Variants in USP7 observed in about 807,000 individuals in gnomAD.
USP7 encodes the protein ubiquitin specific peptidase 7, also known as ubiquitin C-terminal hydrolase 7.
Under a neutral mutation model 162.9 loss-of-function variants are expected in USP7, and 9 were observed. That is an observed-to-expected ratio of 0.06 (90% CI 0.03 to 0.10). USP7 has a LOEUF of 0.10. Among genes scored for constraint, USP7 ranks in the 10% least tolerant of loss-of-function variants. The pLI is 1.00. For synonymous variants in USP7, 562 were observed against 475.9 expected, an observed-to-expected ratio of 1.18 and a Z score of -2.35; for missense variants, 715 against 1,373.7, an observed-to-expected ratio of 0.52 and a Z score of 7.58.
At chr16:8,917,709 A>G (rs1897451046) in intron 6 of USP7, among the ~76,000 whole-genome samples, 1 of 151,862 alleles carries the variant, frequency 6.6e-6, no homozygotes, top group Non-Finnish European at 1.5e-5. Context: ...AAAAGATAAT[A>G]CAGAAAAAGT....
chr16:8,905,471 G>T, intron 13 of USP7, 140 bp from the exon 14 acceptor site: 1 of 1,044,228 alleles, frequency 9.6e-7, no homozygotes, highest in Non-Finnish European at 1.4e-6. Flanking sequence ...TTCTTATACA[G>T]GCACACAATC....
At chr16:8,921,820 T>C (rs564687269) in intron 3 of USP7, among the ~76,000 whole-genome samples, 1 of 152,076 alleles carries the variant, frequency 6.6e-6, no homozygotes, top group Admixed American at 6.5e-5. Context: ...AAGTGTGGGG[T>C]GGACCACAAA....
In USP7 at chr16:8,923,430, T is replaced by C. The variant is rs781227260; in HGVS notation, c.185-17A>G. The C allele has an allele frequency of 2.5e-5, 41 of 1,613,424 alleles. No homozygotes were observed. In the South Asian group the frequency reaches 3.8e-4, roughly 15 times the overall value. ...AACTGGTGTCTGCAAAAAAAACACATCATCAGTCACAGAGCCTGTGCATTG... is the reference window on the plus strand; with the variant it reads ...AACTGGTGTCTGCAAAAAAAACACACCATCAGTCACAGAGCCTGTGCATTG... On this transcript the variant is annotated splice_polypyrimidine_tract_variant and intron_variant, in intron 2 of 30. Coordinates refer to ENST00000344836, the MANE Select transcript of USP7 (RefSeq NM_003470.3).
chr16:8,915,416 A>C, intron 9 of USP7, 29 bp downstream of exon 9: 2 of 1,613,500 alleles, frequency 1.2e-6, no homozygotes, highest in Non-Finnish European at 1.7e-6. Flanking sequence ...ACCTTTAAAA[A>C]TCATCTTTTA....
chr16:8,898,553 G>T lies in USP7; in HGVS notation c.2618C>A (p.Pro873His). The change falls in exon 24 of 31, where the codon CCT (proline) becomes CAT (histidine). Residue 873 changes from proline (P) to histidine (H), a missense_variant. This residue lies in a region of USP7 where 222 missense variants were observed against 441.7 expected (regional missense o/e 0.50). Coordinates refer to ENST00000344836, the MANE Select transcript of USP7 (RefSeq NM_003470.3). ...DLLQFFKPRQ[P>H]KKLYYQQLKM... ...TACCTGCTGATAGTAAAGTTTCTTA[G>T]GTTGTCTAGGCTTGAAGAACTGTAG... The T allele has an allele frequency of 6.2e-7, 1 of 1,611,350 alleles. No individual in the cohort carries two copies. The highest frequency in any genetic ancestry group is 2.2e-5 in the East Asian group (1 of 44,862).
intron 1 of USP7, among the ~76,000 whole-genome samples, chr16:8,952,365 A>T (rs1899593225): frequency 6.6e-6 from 1 of 152,190 alleles, no homozygotes; most frequent in Admixed American, 6.5e-5. Context: ...GCTCTGGGTG[A>T]CCCAGGTAAG....
intron 10 of USP7, among the ~76,000 whole-genome samples, chr16:8,911,117 TATG>T (rs2061940152): frequency 2.0e-5 from 3 of 152,220 alleles, no homozygotes; most frequent in Admixed American, 2.0e-4. Flanking sequence ...AAGCTATGAT[TATG>T]AAGACAGCTT....
intron 1 of USP7, among the ~76,000 whole-genome samples, chr16:8,936,022 A>T (rs1398950605): frequency 6.6e-6 from 1 of 152,164 alleles, no homozygotes; most frequent in Non-Finnish European, 1.5e-5. Flanking sequence ...CTTCACGAAG[A>T]TTTATCAATC....
intron 3 of USP7, among the ~76,000 whole-genome samples, chr16:8,922,724 A>G (rs1897767590): frequency 6.6e-6 from 1 of 152,238 alleles, no homozygotes; most frequent in Admixed American, 6.5e-5. Flanking sequence ...TCTAAATAGA[A>G]GGACCATCAA....
At chr16:8,908,531 G>C in intron 11 of USP7, 81 bp from the exon 12 acceptor site, 1 of 1,209,392 alleles carries the variant, frequency 8.3e-7, no homozygotes, top group Non-Finnish European at 1.2e-6. Flanking sequence ...GGTTCAGCAA[G>C]ATTGGAACAT....
At position 8,898,338 on chromosome 16, in the gene USP7, T is replaced by C; in HGVS notation, c.2718+22A>G. 5 of 1,554,794 alleles carry C rather than the reference T, an allele frequency of 3.2e-6. No homozygotes were observed. The East Asian group carries it at 1.1e-4, about 35-fold the overall frequency. On this transcript the variant is annotated intron_variant, in intron 25 of 30. Transcript: ENST00000344836. ...AGCAAGTTCCAATAAAAATTAAAAT[T>C]CATAGTATTAAAAAAACTTACCTCT...
At chr16:8,896,761 A>G (rs997569455) in intron 26 of USP7, among the ~76,000 whole-genome samples, 1 of 152,226 alleles carries the variant, frequency 6.6e-6, no homozygotes, top group Non-Finnish European at 1.5e-5. Context: ...TGAAACACGC[A>G]TAACCCTCTG....
chr16:8,963,314 G>T lies in USP7; in HGVS notation c.-29C>A. 1 of 991,082 alleles carries T rather than the reference G, an allele frequency of 1.0e-6. No homozygotes were observed. Among genetic ancestry groups the T allele is most frequent in the East Asian group, 6.6e-5 (1 of 15,114 alleles). 61.4% of individuals were successfully genotyped at this position (991,082 alleles called of 1,614,324 possible). A position where few individuals can be genotyped will look rare whatever the true frequency, so the allele number is the denominator to read the frequency against. On this transcript the variant is annotated 5_prime_UTR_variant, in exon 1 of 31. Coordinates refer to ENST00000344836, the MANE Select transcript of USP7 (RefSeq NM_003470.3). ...GGCCGCGGCCTGGGCCTCGCCTGCG[G>T]CCGGGGGCCGGGGCTGCGAGCCCGG...
At chr16:8,916,481 C>T (rs752426274) in intron 8 of USP7, 21 bp downstream of exon 8, 16 of 1,601,670 alleles carry the variant, frequency 1.0e-5, no homozygotes, top group Non-Finnish European at 1.4e-5. Flanking sequence ...AAGAAATATA[C>T]AAGTATTGCT....
chr16:8,895,569 C>T, intron 27 of USP7, 73 bp downstream of exon 27: 2 of 1,237,604 alleles, frequency 1.6e-6, no homozygotes, highest in Non-Finnish European at 2.4e-6. Context: ...GTACAACTTG[C>T]TGTGATATTT....
chr16:8,899,241 A>T, intron 22 of USP7, 53 bp from the exon 23 acceptor site: 1 of 1,571,972 alleles, frequency 6.4e-7, no homozygotes, highest in Non-Finnish European at 8.7e-7. Context: ...AAACTTGGTC[A>T]TAAACTTCAT....
At chr16:8,894,673 T>C (rs370308132) in intron 29 of USP7, 33 bp from the exon 30 acceptor site, 225 of 1,611,916 alleles carry the variant, frequency 1.4e-4, no homozygotes, top group Non-Finnish European at 1.9e-4. Context: ...TCCTCCGTTA[T>C]TTCTGTATAT....
At chr16:8,922,611 C>T (rs528305508) in intron 3 of USP7, among the ~76,000 whole-genome samples, 32 of 152,334 alleles carry the variant, frequency 2.1e-4, no homozygotes, top group African/African-American at 7.5e-4. Flanking sequence ...CAGTCCAAGT[C>T]AGCAGCTTCC....
At chr16:8,943,883 CACAG>C in intron 1 of USP7, among the ~76,000 whole-genome samples, 1 of 152,268 alleles carries the variant, frequency 6.6e-6, no homozygotes, top group South Asian at 2.1e-4. Flanking sequence ...TTTAATTTTT[CACAG>C]GAAAACATTT....
Sources: gnomAD v4.1 joint callset for allele counts (sites outside exome capture counted in the v4.1 genomes callset) on GRCh38, gnomAD v4.1.1 for gene constraint, gnomAD v4.1.1 regional missense constraint, MANE v1.5 for transcripts, NCBI Gene and HGNC (gene_info 2026-07-23, HGNC 2026-07-21) for gene names.